ICA1: variants seen among roughly 807,000 people sequenced by gnomAD.
ICA1 encodes the protein 69 kDa islet cell autoantigen.
A neutral mutation model predicts 71.0 loss-of-function variants in ICA1; 40 were observed. That is an observed-to-expected ratio of 0.56 (90% confidence interval 0.44 to 0.73). The LOEUF (loss-of-function observed/expected upper bound fraction) is 0.73. Ranked by LOEUF, ICA1 falls within the 30% of genes least tolerant of loss-of-function variation. The probability of loss-of-function intolerance (pLI) is 0.00; values close to 1 mark genes in which losing one functional copy is unlikely to be tolerated. For synonymous variants in ICA1, 207 were observed against 209.5 expected (o/e 0.99, Z 0.10); for missense variants, 578 against 576.5 (o/e 1.00, Z -0.03).
At chr7:8,215,923 G>C (rs940912537) in intron 6 of ICA1, among the ~76,000 whole-genome samples, 5 of 152,166 alleles carry the variant, frequency 3.3e-5, no homozygotes, top group African/African-American at 1.2e-4. Flanking sequence ...GAGAGAAATG[G>C]AGACTCTGTT....
intron 1 of ICA1, among the ~76,000 whole-genome samples, chr7:8,239,893 G>A (rs942155795): frequency 6.6e-6 from 1 of 152,262 alleles, no homozygotes; most frequent in Non-Finnish European, 1.5e-5. Flanking sequence ...AAAGCGGCCA[G>A]GGAAGCTTGA....
chr7:8,126,897 G>A (rs1056642908), intron 13 of ICA1, among the ~76,000 whole-genome samples: 1 of 152,044 alleles, frequency 6.6e-6, no homozygotes, highest in Non-Finnish European at 1.5e-5. Flanking sequence ...GTCAACCAAT[G>A]TGTTCCAATG....
At chr7:8,245,639 AAT>A (rs1403272659) in intron 1 of ICA1, among the ~76,000 whole-genome samples, 3 of 152,194 alleles carry the variant, frequency 2.0e-5, no homozygotes, top group Non-Finnish European at 4.4e-5. Context: ...CAGTGAAATT[AAT>A]GTTTATATAT....
chr7:8,142,022 T>C, intron 9 of ICA1: 1 of 1,476,864 alleles, frequency 6.8e-7, no homozygotes. Flanking sequence ...TATCTGAATT[T>C]GCTTTCATCT....
At chr7:8,247,722 C>G (rs1806582680) in intron 1 of ICA1, among the ~76,000 whole-genome samples, 1 of 152,206 alleles carries the variant, frequency 6.6e-6, no homozygotes, top group African/African-American at 2.4e-5. Context: ...TCCACATAAG[C>G]TGGCTTCCAC....
At chr7:8,231,127 G>C (rs562135662) in intron 3 of ICA1, among the ~76,000 whole-genome samples, 1 of 152,144 alleles carries the variant, frequency 6.6e-6, no homozygotes. Context: ...TCGAAACAGC[G>C]TGACCTTTAG....
intron 8 of ICA1, among the ~76,000 whole-genome samples, chr7:8,150,713 T>C (rs1584573679): frequency 6.6e-6 from 1 of 152,350 alleles, no homozygotes; most frequent in Non-Finnish European, 1.5e-5. Context: ...CATTCCCAGG[T>C]ATCTGAAGGA....
At chr7:8,206,733 G>GAAAAAAAA (rs60704635) in intron 6 of ICA1, among the ~76,000 whole-genome samples, 11 of 135,600 alleles carry the variant, frequency 8.1e-5, no homozygotes, top group African/African-American at 3.2e-4. Context: ...GGTTTAAAAT[G>GAAAAAAAA]AAAAAAAAAA....
At chr7:8,221,858 ACCTCAGCTGTGACACAGGTTTT>A (rs1182707229) in intron 4 of ICA1, among the ~76,000 whole-genome samples, 1 of 152,074 alleles carries the variant, frequency 6.6e-6, no homozygotes, top group Non-Finnish European at 1.5e-5. Flanking sequence ...CAATTCAAAT[ACCTCAGCTGTGACACAGGTTTT>A]TGGTTGGAAG....
At chr7:8,136,499 T>C (rs1014603558) in intron 12 of ICA1, among the ~76,000 whole-genome samples, 3 of 152,226 alleles carry the variant, frequency 2.0e-5, no homozygotes, top group African/African-American at 7.2e-5. Context: ...AAGTTCTCTG[T>C]GCACTGAGAG....
intron 6 of ICA1, among the ~76,000 whole-genome samples, chr7:8,212,267 GA>G (rs1214297890): frequency 3.3e-5 from 5 of 151,104 alleles, no homozygotes; most frequent in African/African-American, 4.8e-5. Flanking sequence ...CAGTGATTTA[GA>G]AAAAAAAATA....
At chr7:8,200,333 T>G (rs1190588767) in intron 6 of ICA1, among the ~76,000 whole-genome samples, 1 of 88,102 alleles carries the variant, frequency 1.1e-5, no homozygotes, top group Non-Finnish European at 2.2e-5. Flanking sequence ...TTTAGCACAG[T>G]TGAGCAAAAA....
In ICA1 at chr7:8,114,023, T is replaced by C. The variant is rs762170567; in HGVS notation, c.1352A>G (p.Asp451Gly). ...SLQEPAKAASDLTAWFSLFAD... is the reference protein window; with the variant it reads ...SLQEPAKAASGLTAWFSLFAD... ...GAAGAGGCTGAACCAGGCAGTCAGG[T>C]CTGAGGCAGCCTTAGCAGGTTCTGG... is the stretch of plus-strand genomic sequence containing the variant. The change falls in exon 14 of 14, where the codon GAC (aspartate) becomes GGC (glycine). Residue 451 changes from aspartate (D) to glycine (G), a missense_variant. Coordinates refer to ENST00000402384, the MANE Select transcript of ICA1 (RefSeq NM_001136020.3). The C allele has an allele frequency of 8.1e-6, 13 of 1,614,088 alleles. No homozygotes were observed. The highest frequency in any genetic ancestry group is 5.5e-5 in the South Asian group (5 of 91,074).
chr7:8,175,200 G>C (rs1488735955), intron 6 of ICA1, among the ~76,000 whole-genome samples: 1 of 152,100 alleles, frequency 6.6e-6, no homozygotes, highest in Non-Finnish European at 1.5e-5. Context: ...GAGGGAGCAG[G>C]GTAGAGAGAT....
At chr7:8,159,930 C>T (rs760676096) in intron 6 of ICA1, among the ~76,000 whole-genome samples, 2 of 151,866 alleles carry the variant, frequency 1.3e-5, no homozygotes, top group African/African-American at 2.4e-5. Flanking sequence ...CTCAGATCAT[C>T]GTAAAGTTAT....
rs1783913154 is a variant in ICA1 at position 8,113,899 on chromosome 7, A to G, written c.*24T>C. The stretch of plus-strand genomic sequence containing the variant: ...GGGGAGCTGCTGGGGGCGGCATGTG[A>G]GTGCCCTCCCGAAGGGTACAGATTC... On this transcript the variant is annotated 3_prime_UTR_variant, in exon 14 of 14. Coordinates refer to ENST00000402384, the MANE Select transcript of ICA1 (RefSeq NM_001136020.3). The surrounding 1 kb of genome is among the most constrained non-coding windows in gnomAD (Gnocchi z 4.2). 1 of 1,613,732 alleles carries G rather than the reference A, an allele frequency of 6.2e-7. No individual in the cohort carries two copies. Among genetic ancestry groups the G allele is most frequent in the African/African-American group, 1.3e-5 (1 of 74,920 alleles).
At chr7:8,255,617 A>G (rs190393828) in intron 1 of ICA1, among the ~76,000 whole-genome samples, 274 of 152,240 alleles carry the variant, frequency 1.8e-3, no homozygotes, top group African/African-American at 6.1e-3. Context: ...TCCAGATGGT[A>G]ATCTTCACCT....
chr7:8,155,693 T>C (rs3807838), intron 8 of ICA1, among the ~76,000 whole-genome samples: 43,115 of 152,070 alleles, frequency 0.28, 6,282 homozygotes, highest in African/African-American at 0.33. Context: ...CCTAAAAGCC[T>C]CTGCTTTATC....
chr7:8,156,821 C>T (rs987769006), intron 8 of ICA1: 2 of 1,477,602 alleles, frequency 1.4e-6, no homozygotes, highest in Non-Finnish European at 1.8e-6. Flanking sequence ...AATCATTAGA[C>T]TCAAGTTCAC....
Sources: allele counts gnomAD v4.1 joint callset (sites outside exome capture counted in the v4.1 genomes callset), GRCh38; gene constraint gnomAD v4.1.1; non-coding constraint Gnocchi (gnomAD v3.1); transcripts MANE v1.5; gene names NCBI Gene and HGNC (gene_info 2026-07-23, HGNC 2026-07-21).